The following LMO3 variants were observed in gnomAD, a reference collection of about 807,000 sequenced individuals.
The protein encoded by LMO3 is LIM domain only protein 3.
A neutral mutation model predicts 15.8 loss-of-function variants in LMO3; 2 were observed. The ratio of observed to expected loss-of-function variants is 0.13; its 90% CI spans 0.05 to 0.40. The LOEUF (loss-of-function observed/expected upper bound fraction) is 0.40. LMO3 is among the 10% of genes least tolerant of loss of function. LMO3 has a pLI of 0.99. For synonymous variants in LMO3, 62 were observed against 63.8 expected (o/e 0.97, Z 0.13); for missense variants, 86 against 182.2 (o/e 0.47, Z 3.04).
At chr12:16,605,395 G>A (rs991560576) in intron 1 of LMO3, 2 of 1,200,760 alleles carry the variant, frequency 1.7e-6, no homozygotes, top group Non-Finnish European at 2.1e-6. Flanking sequence ...CCTTGGTCCA[G>A]GGACCTTCCC....
At chr12:16,606,338 C>A (rs1480218989), upstream of LMO3, 1 of 152,732 alleles carries the variant, frequency 6.5e-6, no homozygotes, top group Non-Finnish European at 1.5e-5. Context: ...AGACAACTTA[C>A]CCCAGCAGCG....
At chr12:16,583,905 G>C (rs1290012077) in intron 2 of LMO3, among the ~76,000 whole-genome samples, 1 of 152,166 alleles carries the variant, frequency 6.6e-6, no homozygotes, top group African/African-American at 2.4e-5. Flanking sequence ...AAAGAGACAT[G>C]ACAGGAGAGC....
Position 16,560,361 on chromosome 12 carries a change from C to T in LMO3, c.332+52G>A. 5 of 1,562,468 alleles carry T rather than the reference C, an allele frequency of 3.2e-6. 1 individual carries two copies. The highest frequency in any genetic ancestry group is 2.6e-6 in the Non-Finnish European group (3 of 1,153,134). Reference sequence around the variant, plus strand: ...TAATTTCCACCTATTAAATAAATAGCCAGCACAGAGAGGTTAACCATTTCT... The same window carrying T: ...TAATTTCCACCTATTAAATAAATAGTCAGCACAGAGAGGTTAACCATTTCT... On this transcript the variant is annotated intron_variant, in intron 3 of 3. Transcript: ENST00000537304. The surrounding 1 kb of genome is among the most constrained non-coding windows in gnomAD (Gnocchi z 5.0).
At chr12:16,556,346 G>A (rs940007186) in intron 3 of LMO3, among the ~76,000 whole-genome samples, 1 of 152,094 alleles carries the variant, frequency 6.6e-6, no homozygotes, top group Non-Finnish European at 1.5e-5. Context: ...TTTTAAAATA[G>A]AGAAACTAGC....
Position 16,559,341 on chromosome 12 carries a change from G to GA in LMO3, c.332+1071dup, listed in dbSNP as rs776830057. The stretch of plus-strand genomic sequence containing the variant: ...AAATAAAAAATATAACTTTCAATAA[G>GA]AAAAAATGGAATTAAGTGATAATAC... On this transcript the variant is annotated intron_variant, in intron 3 of 3. Transcript: ENST00000537304. This position sits in a 1 kb window ranked among gnomAD's most constrained non-coding sequence, Gnocchi z 4.1. Among the ~76,000 whole-genome samples the GA allele has an allele frequency of 1.3e-5, 2 of 152,066 alleles. No individual in the cohort carries two copies. Among genetic ancestry groups the GA allele is most frequent in the Admixed American group, 6.6e-5 (1 of 15,264 alleles).
rs1175307384 is a variant in LMO3 at position 16,596,471 on chromosome 12, A to G, written c.206+4184T>C. On this transcript the variant is annotated intron_variant, in intron 2 of 3. Coordinates refer to ENST00000537304, the MANE Select transcript of LMO3 (RefSeq NM_018640.5). This position sits in a 1 kb window ranked among gnomAD's most constrained non-coding sequence, Gnocchi z 4.3. ...GATATCATTCATAGAGATACAAGAT[A>G]CATACAGCCTATATAGACTTAATGC... Among the ~76,000 whole-genome samples the G allele has an allele frequency of 6.6e-6, 1 of 151,688 alleles. No homozygotes were observed. Among genetic ancestry groups the G allele is most frequent in the Non-Finnish European group, 1.5e-5 (1 of 67,650 alleles).
chr12:16,607,353 A>G (rs1013949787), upstream of LMO3: 2 of 152,196 alleles, frequency 1.3e-5, no homozygotes, highest in African/African-American at 4.8e-5. Context: ...TGTTTTCAGG[A>G]CTAACTTGGT....
intron 2 of LMO3, among the ~76,000 whole-genome samples, chr12:16,570,705 G>A (rs1188510907): frequency 6.6e-6 from 1 of 152,144 alleles, no homozygotes; most frequent in African/African-American, 2.4e-5. Context: ...GGACTGCAAT[G>A]CAAAACTCAC....
chr12:16,566,328 G>C (rs1055233055), intron 2 of LMO3, among the ~76,000 whole-genome samples: 3 of 151,814 alleles, frequency 2.0e-5, no homozygotes, highest in Admixed American at 1.3e-4. Context: ...CTGGTGTTCT[G>C]TTATTGCACA....
rs1288341563 is a variant in LMO3, at chr12:16,549,840, T to G, written c.*1382A>C. On this transcript the variant is annotated 3_prime_UTR_variant, in exon 4 of 4. Transcript: ENST00000537304. Reference sequence around the variant, plus strand: ...TTAAATAATCATTCTCCATAATTTCTCTTTCTAGAGCTTTCTTCTTTGTAT... The same window carrying G: ...TTAAATAATCATTCTCCATAATTTCGCTTTCTAGAGCTTTCTTCTTTGTAT... 6.6e-6 allele frequency: 1 copy of G among 152,108 alleles called. No homozygotes were observed. The highest frequency in any genetic ancestry group is 1.5e-5 in the Non-Finnish European group (1 of 67,960). The allele number at this position is 152,108 out of a possible 1,614,324, so 9.4% of individuals were successfully genotyped here.
chr12:16,557,298 C>CA (rs990846919), intron 3 of LMO3, among the ~76,000 whole-genome samples: 1 of 150,872 alleles, frequency 6.6e-6, no homozygotes, highest in African/African-American at 2.4e-5. Context: ...AAAGGACCAC[C>CA]AGGGATCAAA....
chr12:16,605,436 G>GGC (rs1943957949), intron 1 of LMO3: 44 of 372,586 alleles, frequency 1.2e-4, no homozygotes, highest in Middle Eastern at 1.4e-3. Flanking sequence ...CTACCCGCCT[G>GGC]CCCCCCCCCC....
In LMO3 at chr12:16,606,095, C is replaced by G; in HGVS notation, c.-38G>C. 4.9e-6 allele frequency: 2 copies of G among 405,140 alleles called. No individual in the cohort carries two copies. The highest frequency in any genetic ancestry group is 8.9e-6 in the Non-Finnish European group (2 of 224,118). 25.1% of individuals were successfully genotyped at this position (405,140 alleles called of 1,614,324 possible). ...TCAATTAAGCGATACAGGGGGAGGC[C>G]GTTCAGTAAGCACAGTGGCTGCTTT... On this transcript the variant is annotated 5_prime_UTR_variant, in exon 1 of 4. Coordinates refer to ENST00000537304, the MANE Select transcript of LMO3 (RefSeq NM_018640.5).
chr12:16,604,983 A>AGTGT lies in LMO3; in HGVS notation c.-9+1079_-9+1082dup. 6.3e-7 allele frequency: 1 copy of AGTGT among 1,596,908 alleles called. No homozygotes were observed. ...AAGGGGGTCTCCTTGATTTCGCTTA[A>AGTGT]GTGTGGACCTGGTGCGCAGCCTACA... is the stretch of plus-strand genomic sequence containing the variant. On this transcript the variant is annotated intron_variant, in intron 1 of 3. Coordinates refer to ENST00000537304, the MANE Select transcript of LMO3 (RefSeq NM_018640.5). This position sits in a 1 kb window ranked among gnomAD's most constrained non-coding sequence, Gnocchi z 5.3.
intron 2 of LMO3, among the ~76,000 whole-genome samples, chr12:16,566,316 T>C (rs1472357468): frequency 6.6e-6 from 1 of 151,800 alleles, no homozygotes; most frequent in African/African-American, 2.4e-5. Flanking sequence ...GAGAAATAAG[T>C]TCTGGTGTTC....
chr12:16,594,063 T>C (rs1028438793), intron 2 of LMO3: 2 of 1,343,030 alleles, frequency 1.5e-6, no homozygotes, highest in East Asian at 5.0e-5. Flanking sequence ...TAAGAATAGA[T>C]GAGTGCTATA....
At position 16,560,887 on chromosome 12, in the gene LMO3, T is replaced by C; in HGVS notation, c.207-349A>G. 4.5e-6 allele frequency: 1 copy of C among 221,566 alleles called. No homozygotes were observed. Among genetic ancestry groups the C allele is most frequent in the Non-Finnish European group, 9.4e-6 (1 of 106,468 alleles). 13.7% of individuals were successfully genotyped at this position (221,566 alleles called of 1,614,324 possible). On this transcript the variant is annotated intron_variant, in intron 2 of 3. Coordinates refer to ENST00000537304, the MANE Select transcript of LMO3 (RefSeq NM_018640.5). This position sits in a 1 kb window ranked among gnomAD's most constrained non-coding sequence, Gnocchi z 5.0. ...AAAAGCAATATAACTTTGCTCTTAA[T>C]GTTATATATTAAACATTTTAGTTGG...
intron 2 of LMO3, among the ~76,000 whole-genome samples, chr12:16,588,746 A>G (rs1485896121): frequency 3.3e-5 from 5 of 152,136 alleles, no homozygotes; most frequent in Non-Finnish European, 7.4e-5. Flanking sequence ...TTGCACACGA[A>G]AAGTTGGTAA....
chr12:16,580,813 G>A (rs570580435), intron 2 of LMO3, among the ~76,000 whole-genome samples: 1 of 152,208 alleles, frequency 6.6e-6, no homozygotes, highest in African/African-American at 2.4e-5. Flanking sequence ...AATTTTTCAC[G>A]ATGTTCTTAT....
Sources: allele counts gnomAD v4.1 joint callset (sites outside exome capture counted in the v4.1 genomes callset), GRCh38; gene constraint gnomAD v4.1.1; non-coding constraint Gnocchi (gnomAD v3.1); transcripts MANE v1.5; gene names NCBI Gene and HGNC (gene_info 2026-07-23, HGNC 2026-07-21).